Variants in TENM4 observed in about 807,000 individuals in gnomAD.
The protein encoded by TENM4 is teneurin-4.
A neutral mutation model predicts 243.3 loss-of-function variants in TENM4; 82 were observed. The ratio of observed to expected loss-of-function variants is 0.34; its 90% CI spans 0.28 to 0.40. The LOEUF is 0.40. Among genes scored for constraint, TENM4 ranks in the 10% least tolerant of loss-of-function variants. The probability of loss-of-function intolerance (pLI) is 1.00; values close to 1 mark genes in which losing one functional copy is unlikely to be tolerated. For synonymous variants in TENM4, 1,412 were observed against 1,456.3 expected (o/e 0.97, Z 0.69); for missense variants, 3,138 against 3,673.3 (o/e 0.85, Z 3.77).
At chr11:79,135,585 A>T (rs1862091195) in intron 4 of TENM4, among the ~76,000 whole-genome samples, 1 of 151,352 alleles carries the variant, frequency 6.6e-6, no homozygotes, top group Non-Finnish European at 1.5e-5. Flanking sequence ...CAATTGCAAA[A>T]TTGTAGAACC....
intron 2 of TENM4, among the ~76,000 whole-genome samples, chr11:79,232,607 C>G (rs142173385): frequency 1.8e-4 from 27 of 152,356 alleles, no homozygotes; most frequent in Middle Eastern, 3.4e-3. Flanking sequence ...AAACAATTCG[C>G]CATCCACACA....
intron 2 of TENM4, among the ~76,000 whole-genome samples, chr11:79,231,129 A>G (rs1864365260): frequency 6.6e-6 from 1 of 152,258 alleles, no homozygotes; most frequent in South Asian, 2.1e-4. Flanking sequence ...ATAAAGTAAA[A>G]GGGACATGGA....
chr11:78,814,140 C>A (rs1456327943), intron 13 of TENM4, among the ~76,000 whole-genome samples, 154 bp downstream of exon 13: 1 of 152,138 alleles, frequency 6.6e-6, no homozygotes, highest in African/African-American at 2.4e-5. Flanking sequence ...GCCTGCACAC[C>A]TCCCTCCAAG....
chr11:79,178,261 G>C (rs1863208269), intron 3 of TENM4, among the ~76,000 whole-genome samples: 1 of 152,198 alleles, frequency 6.6e-6, no homozygotes, highest in Non-Finnish European at 1.5e-5. Flanking sequence ...TGCATGTTAG[G>C]TTTGAGAAGA....
intron 18 of TENM4, among the ~76,000 whole-genome samples, chr11:78,761,449 C>A (rs1228119467): frequency 6.6e-6 from 1 of 152,056 alleles, no homozygotes; most frequent in African/African-American, 2.4e-5. Flanking sequence ...CCGTGTTAGC[C>A]AGGATGGTCT....
At chr11:79,091,264 A>G (rs79339903) in intron 4 of TENM4, among the ~76,000 whole-genome samples, 1,972 of 152,332 alleles carry the variant, frequency 0.013, 49 homozygotes, top group African/African-American at 0.045. Flanking sequence ...ATAAAGTATC[A>G]GCTTGTCAGC....
At chr11:79,265,358 T>C (rs1424396515) in intron 2 of TENM4, among the ~76,000 whole-genome samples, 4 of 152,210 alleles carry the variant, frequency 2.6e-5, no homozygotes, top group Non-Finnish European at 5.9e-5. Flanking sequence ...ACTGCAGCCA[T>C]TGGCCACATG....
At chr11:79,228,399 GAA>G (rs1864312229) in intron 2 of TENM4, among the ~76,000 whole-genome samples, 1 of 152,220 alleles carries the variant, frequency 6.6e-6, no homozygotes, top group Non-Finnish European at 1.5e-5. Context: ...ACCAGGTGCA[GAA>G]CAGCAGGGCT....
chr11:78,726,957 A>C (rs962400627), intron 22 of TENM4, among the ~76,000 whole-genome samples: 4 of 152,224 alleles, frequency 2.6e-5, no homozygotes, highest in African/African-American at 9.7e-5. Flanking sequence ...AGTCTTCACC[A>C]CATTATTTAA....
chr11:79,397,386 A>C (rs1256912577), intron 1 of TENM4, among the ~76,000 whole-genome samples: 1 of 152,220 alleles, frequency 6.6e-6, no homozygotes, highest in Non-Finnish European at 1.5e-5. Context: ...TAAGCCACAG[A>C]GTCAGGATTC....
chr11:78,805,277 T>TGCCCCCCCACCCCCCCCCCCC lies in TENM4; in HGVS notation c.2179+14_2179+15insGGGGGGGGGGGGTGGGGGGGC. The TGCCCCCCCACCCCCCCCCCCC allele has an allele frequency of 1.4e-6, 2 of 1,402,550 alleles. No homozygotes were observed. Among genetic ancestry groups the TGCCCCCCCACCCCCCCCCCCC allele is most frequent in the Non-Finnish European group, 1.9e-6 (2 of 1,033,116 alleles). The allele number at this position is 1,402,550 out of a possible 1,614,324, so 86.9% of individuals were successfully genotyped here. On this transcript the variant is annotated intron_variant, in intron 15 of 33. Coordinates refer to ENST00000278550, the MANE Select transcript of TENM4 (RefSeq NM_001098816.3). ...CCCCTCCCTCTACCCATGCTTCTTC[T>TGCCCCCCCACCCCCCCCCCCC]CCCCCTGCATTTACCGATAGAACAG...
At chr11:79,018,837 C>A (rs747344825) in intron 6 of TENM4, among the ~76,000 whole-genome samples, 7 of 152,196 alleles carry the variant, frequency 4.6e-5, no homozygotes, top group Non-Finnish European at 1.0e-4. Context: ...AATGATAGGG[C>A]TGGCAAAGAT....
At chr11:79,346,018 T>C (rs1194840995) in intron 1 of TENM4, among the ~76,000 whole-genome samples, 2 of 152,062 alleles carry the variant, frequency 1.3e-5, no homozygotes, top group Admixed American at 1.3e-4. Context: ...CTCCATAGAG[T>C]TGACAGAAAA....
At chr11:79,294,615 G>A (rs1326676673) in intron 2 of TENM4, among the ~76,000 whole-genome samples, 1 of 152,208 alleles carries the variant, frequency 6.6e-6, no homozygotes. Context: ...TTGGGAGGAT[G>A]AGGTGGGCAA....
chr11:79,164,470 G>T (rs989948652), intron 3 of TENM4, among the ~76,000 whole-genome samples: 6 of 123,686 alleles, frequency 4.9e-5, no homozygotes, highest in African/African-American at 1.7e-4. Context: ...TATATATAGT[G>T]TATATATATA....
intron 2 of TENM4, among the ~76,000 whole-genome samples, chr11:79,216,294 A>C (rs1291139767): frequency 1.3e-5 from 2 of 152,192 alleles, no homozygotes; most frequent in Non-Finnish European, 2.9e-5. Flanking sequence ...GCTTGGAGCA[A>C]AGTAGGAACT....
intron 32 of TENM4, among the ~76,000 whole-genome samples, chr11:78,662,581 T>C (rs879634746): frequency 6.6e-6 from 1 of 152,162 alleles, no homozygotes; most frequent in African/African-American, 2.4e-5. Flanking sequence ...GGTTACTAAT[T>C]ATAAAATATT....
chr11:79,264,624 C>T (rs561767715), intron 2 of TENM4, among the ~76,000 whole-genome samples: 8 of 152,196 alleles, frequency 5.3e-5, no homozygotes, highest in East Asian at 3.9e-4. Context: ...TGGTGTACTA[C>T]GTGACCCCAG....
intron 6 of TENM4, among the ~76,000 whole-genome samples, chr11:79,015,233 T>C (rs1282581010): frequency 6.6e-6 from 1 of 152,198 alleles, no homozygotes; most frequent in Non-Finnish European, 1.5e-5. Context: ...ATTGTAGGGA[T>C]GAAGAATTGA....
Sources: allele counts gnomAD v4.1 joint callset (sites outside exome capture counted in the v4.1 genomes callset), GRCh38; gene constraint gnomAD v4.1.1; transcripts MANE v1.5; gene names NCBI Gene and HGNC (gene_info 2026-07-23, HGNC 2026-07-21).